KCTD16: variants seen among roughly 807,000 people sequenced by gnomAD.
KCTD16 encodes the protein BTB/POZ domain-containing protein KCTD16.
Under a neutral mutation model 33.2 loss-of-function variants are expected in KCTD16, and 13 were observed. The observed-to-expected ratio is 0.39, with a 90% CI of 0.25 to 0.62. KCTD16 has a LOEUF of 0.62. Ranked by LOEUF, KCTD16 falls within the 20% of genes least tolerant of loss-of-function variation. KCTD16 has a pLI of 0.50. For synonymous variants in KCTD16, 197 were observed against 195.3 expected (o/e 1.01, Z -0.07); for missense variants, 441 against 525.1 (o/e 0.84, Z 1.57).
chr5:144,326,604 A>G (rs2091025756), intron 3 of KCTD16, among the ~76,000 whole-genome samples: 1 of 151,976 alleles, frequency 6.6e-6, no homozygotes, highest in Non-Finnish European at 1.5e-5. Context: ...ACCTCCCACT[A>G]TTCTCTTCTT....
At chr5:144,221,018 G>A (rs1460627860) in intron 3 of KCTD16, among the ~76,000 whole-genome samples, 1 of 152,124 alleles carries the variant, frequency 6.6e-6, no homozygotes, top group Non-Finnish European at 1.5e-5. Context: ...GAGGTTAAGA[G>A]ATGTGGACAG....
intron 3 of KCTD16, among the ~76,000 whole-genome samples, chr5:144,454,984 A>T (rs1754029111): frequency 6.6e-6 from 1 of 152,080 alleles, no homozygotes; most frequent in African/African-American, 2.4e-5. Context: ...GACAAAAATT[A>T]TTGGTTTCTT....
At chr5:144,288,785 G>C (rs1361885409) in intron 3 of KCTD16, among the ~76,000 whole-genome samples, 1 of 152,082 alleles carries the variant, frequency 6.6e-6, no homozygotes, top group Non-Finnish European at 1.5e-5. Flanking sequence ...GCCTGGCCAA[G>C]ATGGTTAAAC....
rs1298725442 is a variant in KCTD16 at position 144,481,042 on chromosome 5, C to G, written c.*6928C>G. 1.3e-5 allele frequency: 2 copies of G among 151,900 alleles called. No individual in the cohort carries two copies. Among genetic ancestry groups the G allele is most frequent in the Non-Finnish European group, 2.9e-5 (2 of 67,890 alleles). 9.4% of individuals were successfully genotyped at this position (151,900 alleles called of 1,614,324 possible). ...GATTTACAGAAATAGGAAACTTTTT[C>G]CAGGGATCTGGTAGTGATGAGGAAG... On this transcript the variant is annotated 3_prime_UTR_variant, in exon 4 of 4. Coordinates refer to ENST00000512467, the MANE Select transcript of KCTD16 (RefSeq NM_020768.4).
At chr5:144,239,874 A>G (rs1754353441) in intron 3 of KCTD16, among the ~76,000 whole-genome samples, 1 of 152,158 alleles carries the variant, frequency 6.6e-6, no homozygotes, top group South Asian at 2.1e-4. Context: ...GATTTGGAAA[A>G]TTATTAATCT....
chr5:144,307,369 C>T (rs985592194), intron 3 of KCTD16, among the ~76,000 whole-genome samples: 2 of 152,148 alleles, frequency 1.3e-5, no homozygotes, highest in African/African-American at 2.4e-5. Flanking sequence ...AGTTGGAGTC[C>T]TCCACTAAAC....
intron 3 of KCTD16, among the ~76,000 whole-genome samples, chr5:144,350,423 T>C (rs72800592): frequency 3.3e-5 from 5 of 152,310 alleles, no homozygotes; most frequent in South Asian, 2.1e-4. Context: ...AATTTCAATA[T>C]TAAATTATAA....
At chr5:144,287,508 A>G (rs1336651750) in intron 3 of KCTD16, among the ~76,000 whole-genome samples, 1 of 152,208 alleles carries the variant, frequency 6.6e-6, no homozygotes, top group Non-Finnish European at 1.5e-5. Flanking sequence ...AATCCATCCA[A>G]GATTAATGGC....
At chr5:144,180,957 G>A (rs1752610030) in intron 2 of KCTD16, among the ~76,000 whole-genome samples, 2 of 151,248 alleles carry the variant, frequency 1.3e-5, no homozygotes, top group Admixed American at 1.3e-4. Flanking sequence ...TTTTGAGACG[G>A]AGTCTCGCTC....
intron 3 of KCTD16, among the ~76,000 whole-genome samples, chr5:144,231,292 T>C (rs772150519): frequency 6.6e-6 from 1 of 152,134 alleles, no homozygotes; most frequent in East Asian, 1.9e-4. Context: ...TCTTCATCCA[T>C]GTATTTGATT....
At chr5:144,189,389 G>C (rs1006753716) in intron 2 of KCTD16, among the ~76,000 whole-genome samples, 6 of 151,884 alleles carry the variant, frequency 4.0e-5, no homozygotes, top group African/African-American at 1.5e-4. Context: ...CCAGCTGCTC[G>C]GGAGGCTGAG....
At chr5:144,304,575 TC>T (rs1348189666) in intron 3 of KCTD16, among the ~76,000 whole-genome samples, 1 of 152,110 alleles carries the variant, frequency 6.6e-6, no homozygotes, top group Non-Finnish European at 1.5e-5. Context: ...TAAAGCAGTT[TC>T]CTTTCTGTCT....
intron 3 of KCTD16, among the ~76,000 whole-genome samples, chr5:144,256,117 T>C (rs1754839109): frequency 1.3e-5 from 2 of 152,212 alleles, no homozygotes; most frequent in Admixed American, 6.5e-5. Context: ...TACTGTTTTC[T>C]GGGTTTGAAT....
rs372401255 is a variant in KCTD16, at chr5:144,234,829, T to C, written c.832+27283T>C. 2.7e-3 allele frequency among the ~76,000 whole-genome samples: 406 copies of C among 152,182 alleles called. 2 individuals carry two copies. The highest frequency in any genetic ancestry group is 4.6e-3 in the Non-Finnish European group (313 of 67,984). ...ATGCATATATGTATATATGTGTGTG[T>C]GTATCACAGTCCTGCCCCCTTCCAC... On this transcript the variant is annotated intron_variant, in intron 3 of 3. Transcript: ENST00000512467.
At chr5:144,353,044 A>T (rs990002797) in intron 3 of KCTD16, among the ~76,000 whole-genome samples, 1 of 152,190 alleles carries the variant, frequency 6.6e-6, no homozygotes, top group Non-Finnish European at 1.5e-5. Flanking sequence ...ATAGGAACAG[A>T]CCTGACAAAA....
At chr5:144,266,614 C>G (rs552574751) in intron 3 of KCTD16, among the ~76,000 whole-genome samples, 2 of 152,166 alleles carry the variant, frequency 1.3e-5, no homozygotes, top group Non-Finnish European at 2.9e-5. Context: ...TGACCAAATA[C>G]CCTTCCCTAA....
chr5:144,202,799 G>GT (rs1267280768), intron 2 of KCTD16, among the ~76,000 whole-genome samples: 2 of 152,190 alleles, frequency 1.3e-5, no homozygotes, highest in Non-Finnish European at 2.9e-5. Flanking sequence ...AATGTTTCAG[G>GT]TGGTATGATC....
intron 3 of KCTD16, among the ~76,000 whole-genome samples, chr5:144,246,628 A>C (rs967154738): frequency 6.6e-5 from 10 of 152,202 alleles, no homozygotes; most frequent in African/African-American, 2.4e-4. Context: ...AGTAAAACAC[A>C]ACAAATCACC....
At chr5:144,336,220 G>A (rs988520642) in intron 3 of KCTD16, among the ~76,000 whole-genome samples, 4 of 152,194 alleles carry the variant, frequency 2.6e-5, no homozygotes, top group African/African-American at 9.6e-5. Flanking sequence ...AAGGAGCTGG[G>A]ATGCCAATAG....
Sources: gnomAD v4.1 joint callset for allele counts (sites outside exome capture counted in the v4.1 genomes callset) on GRCh38, gnomAD v4.1.1 for gene constraint, MANE v1.5 for transcripts, NCBI Gene and HGNC (gene_info 2026-07-23, HGNC 2026-07-21) for gene names.